NEGR1: variants seen among roughly 807,000 people sequenced by gnomAD.
NEGR1 encodes the protein IgLON family member 4.
A neutral mutation model predicts 40.9 loss-of-function variants in NEGR1; 10 were observed. The observed-to-expected ratio is 0.24, with a 90% CI of 0.15 to 0.42. The LOEUF (loss-of-function observed/expected upper bound fraction) is 0.42. Ranked by LOEUF, NEGR1 falls within the 10% of genes least tolerant of loss-of-function variation. The pLI is 1.00. For synonymous variants in NEGR1, 185 were observed against 166.8 expected, an observed-to-expected ratio of 1.11 and a Z score of -0.84; for missense variants, 352 against 438.9, an observed-to-expected ratio of 0.80 and a Z score of 1.77.
At chr1:71,541,991 T>C (rs1051571749) in intron 6 of NEGR1, among the ~76,000 whole-genome samples, 4 of 151,776 alleles carry the variant, frequency 2.6e-5, no homozygotes, top group African/African-American at 9.7e-5. Context: ...GATACAAGAG[T>C]GAATAAGAAA....
chr1:71,739,542 T>G (rs915178101), intron 3 of NEGR1, among the ~76,000 whole-genome samples: 1 of 151,994 alleles, frequency 6.6e-6, no homozygotes, highest in East Asian at 1.9e-4. Context: ...AAAACCCTCT[T>G]AAATCATTCT....
intron 1 of NEGR1, among the ~76,000 whole-genome samples, chr1:72,182,139 T>G (rs999508691): frequency 3.9e-5 from 6 of 152,226 alleles, no homozygotes; most frequent in African/African-American, 1.4e-4. Flanking sequence ...CTTATTACTA[T>G]CTATATGTAT....
At chr1:72,189,196 G>A (rs552918785) in intron 1 of NEGR1, among the ~76,000 whole-genome samples, 9 of 151,310 alleles carry the variant, frequency 5.9e-5, no homozygotes, top group African/African-American at 4.8e-5. Flanking sequence ...ATGTAATTAC[G>A]TTTTTGAGCT....
chr1:72,045,221 A>C (rs186413221), intron 1 of NEGR1, among the ~76,000 whole-genome samples: 178 of 151,986 alleles, frequency 1.2e-3, no homozygotes, highest in Non-Finnish European at 1.8e-3. Context: ...TATTCTAATG[A>C]GAATTGGAAA....
intron 6 of NEGR1, among the ~76,000 whole-genome samples, chr1:71,551,302 A>T (rs1359332376): frequency 6.6e-6 from 1 of 151,644 alleles, no homozygotes; most frequent in Admixed American, 6.6e-5. Flanking sequence ...CTTACTGTTA[A>T]ATAAATAATG....
intron 3 of NEGR1, among the ~76,000 whole-genome samples, chr1:71,703,803 G>A (rs1313353170): frequency 1.3e-5 from 2 of 151,670 alleles, no homozygotes; most frequent in African/African-American, 4.8e-5. Flanking sequence ...ACAGAGCCTC[G>A]ATGATATATG....
chr1:71,981,153 G>C (rs1430717393), intron 1 of NEGR1, among the ~76,000 whole-genome samples: 5 of 152,124 alleles, frequency 3.3e-5, no homozygotes, highest in African/African-American at 4.8e-5. Context: ...ATAGTAGAGA[G>C]AGCAAAATTA....
At chr1:71,497,602 A>G (rs1285829891) in intron 6 of NEGR1, among the ~76,000 whole-genome samples, 1 of 152,104 alleles carries the variant, frequency 6.6e-6, no homozygotes, top group East Asian at 1.9e-4. Context: ...TTAAGAACTC[A>G]TCTTGTTCAT....
At chr1:71,664,267 G>A (rs1278883402) in intron 4 of NEGR1, among the ~76,000 whole-genome samples, 1 of 152,146 alleles carries the variant, frequency 6.6e-6, no homozygotes, top group Non-Finnish European at 1.5e-5. Context: ...AACAAATGGA[G>A]CACCACCATG....
intron 1 of NEGR1, among the ~76,000 whole-genome samples, chr1:72,064,841 C>T (rs1442441698): frequency 1.3e-5 from 2 of 152,010 alleles, no homozygotes; most frequent in Non-Finnish European, 2.9e-5. Flanking sequence ...GAAGTACTTT[C>T]ATTTTTTGGT....
intron 2 of NEGR1, among the ~76,000 whole-genome samples, chr1:71,903,206 T>C (rs1408812913): frequency 6.6e-6 from 1 of 152,048 alleles, no homozygotes; most frequent in Non-Finnish European, 1.5e-5. Context: ...TACCCTGTTC[T>C]GGCTTTGTTG....
chr1:71,832,104 AGT>A (rs1467321075), intron 2 of NEGR1, among the ~76,000 whole-genome samples: 7 of 151,914 alleles, frequency 4.6e-5, no homozygotes, highest in Non-Finnish European at 8.8e-5. Context: ...AGCCTAGATT[AGT>A]GAGAGAGTAA....
intron 1 of NEGR1, among the ~76,000 whole-genome samples, chr1:72,270,932 C>G (rs907168408): frequency 6.6e-6 from 1 of 151,794 alleles, no homozygotes; most frequent in Non-Finnish European, 1.5e-5. Flanking sequence ...AGAAAAAAAG[C>G]AGCATAAAAT....
intron 6 of NEGR1, among the ~76,000 whole-genome samples, chr1:71,557,955 A>G (rs1648306807): frequency 6.6e-6 from 1 of 151,340 alleles, no homozygotes; most frequent in South Asian, 2.1e-4. Flanking sequence ...CACTGGTTGG[A>G]TTTTTGCAGA....
chr1:72,178,241 A>G (rs915846568), intron 1 of NEGR1, among the ~76,000 whole-genome samples: 12 of 152,046 alleles, frequency 7.9e-5, no homozygotes, highest in Non-Finnish European at 1.6e-4. Flanking sequence ...TTGACAGTTA[A>G]TTATAAAAAA....
chr1:72,228,546 C>G (rs1263180941), intron 1 of NEGR1, among the ~76,000 whole-genome samples: 1 of 152,080 alleles, frequency 6.6e-6, no homozygotes, highest in African/African-American at 2.4e-5. Context: ...AATCTCTTCA[C>G]ATATATCTCC....
chr1:71,694,607 C>T lies in NEGR1; in HGVS notation c.667+3401G>A, dbSNP rs368669067. Among the ~76,000 whole-genome samples, 8 of 151,670 alleles carry T rather than the reference C, an allele frequency of 5.3e-5. No homozygotes were observed. In the East Asian group the frequency reaches 9.7e-4, roughly 18 times the overall value. On this transcript the variant is annotated intron_variant, in intron 4 of 6. Coordinates refer to ENST00000357731, the MANE Select transcript of NEGR1 (RefSeq NM_173808.3). ...CTAGGTAATTAAATTGAATAGAAAT[C>T]CACAGTGACAGGTATGATGTTATTT...
At chr1:72,087,721 T>C (rs977924498) in intron 1 of NEGR1, among the ~76,000 whole-genome samples, 1 of 150,378 alleles carries the variant, frequency 6.6e-6, no homozygotes, top group African/African-American at 2.4e-5. Flanking sequence ...GCCTCCTAAG[T>C]AGCTGGGACA....
chr1:72,189,761 G>A (rs1266638504), intron 1 of NEGR1, among the ~76,000 whole-genome samples: 1 of 151,516 alleles, frequency 6.6e-6, no homozygotes, highest in Non-Finnish European at 1.5e-5. Context: ...AGTAGATATA[G>A]TAATAACCAG....
Sources: gnomAD v4.1 joint callset for allele counts (sites outside exome capture counted in the v4.1 genomes callset) on GRCh38, gnomAD v4.1.1 for gene constraint, MANE v1.5 for transcripts, NCBI Gene and HGNC (gene_info 2026-07-23, HGNC 2026-07-21) for gene names.